Variants in MINDY4 observed in about 807,000 individuals in gnomAD.
The protein encoded by MINDY4 is probable ubiquitin carboxyl-terminal hydrolase MINDY-4.
MINDY4 carries 68 observed loss-of-function variants against 87.0 expected under a neutral mutation model. The ratio of observed to expected loss-of-function variants is 0.78; its 90% CI spans 0.64 to 0.96. MINDY4 has a LOEUF of 0.96. Ranked by LOEUF, MINDY4 falls within the 40% of genes least tolerant of loss-of-function variation. The pLI, the probability that MINDY4 is intolerant of heterozygous loss-of-function variation, is 0.00. For synonymous variants in MINDY4, 379 were observed against 363.2 expected (o/e 1.04, Z -0.50); for missense variants, 919 against 928.2 (o/e 0.99, Z 0.13).
rs187956028 is a variant in MINDY4, at chr7:30,794,611, T to G, written c.1073+3037T>G. On this transcript the variant is annotated intron_variant, in intron 5 of 17. Transcript: ENST00000265299. ...AACTCTGACACTCCTCAGATCTGAC[T>G]CCGGGAGCTGAAGGGACTATTTTCT... Among the ~76,000 whole-genome samples, 115 of 152,334 alleles carry G rather than the reference T, an allele frequency of 7.5e-4. 1 individual carries two copies. The highest frequency in any genetic ancestry group is 2.7e-3 in the African/African-American group (111 of 41,580).
chr7:30,889,164 A>G (rs1398005743), intron 17 of MINDY4, among the ~76,000 whole-genome samples: 2 of 152,192 alleles, frequency 1.3e-5, no homozygotes, highest in Non-Finnish European at 2.9e-5. Context: ...CCAAGATTTC[A>G]ATGCTTGCCC....
Position 30,791,254 on chromosome 7 carries a change from C to T in MINDY4, c.753C>T (p.Leu251=). The change falls in exon 5 of 18, where the codon CTC becomes CTT. Residue 251 remains leucine (L), a synonymous_variant. Transcript: ENST00000265299. ...AAGAGAGCCGGAAGGTCCCTGAGCT[C>T]TTTGTCTGCACCCAACAGGACATTC... ...PQEESRKVPE[L]FVCTQQDILA... is the part of the protein sequence containing the mutation. 1.9e-6 allele frequency: 3 copies of T among 1,614,148 alleles called. No homozygotes were observed. The highest frequency in any genetic ancestry group is 1.3e-5 in the African/African-American group (1 of 75,044).
At chr7:30,811,591 A>G (rs1788000118) in intron 5 of MINDY4, among the ~76,000 whole-genome samples, 1 of 152,224 alleles carries the variant, frequency 6.6e-6, no homozygotes, top group African/African-American at 2.4e-5. Flanking sequence ...AGTAAAAACT[A>G]AAAGGCAGAA....
At chr7:30,875,888 A>G (rs748471823) in intron 15 of MINDY4, among the ~76,000 whole-genome samples, 2 of 152,208 alleles carry the variant, frequency 1.3e-5, no homozygotes, top group Non-Finnish European at 2.9e-5. Context: ...TGGTTTGAAA[A>G]GGACTTCGAG....
chr7:30,786,187 T>A (rs900989577), intron 4 of MINDY4, 195 bp downstream of exon 4: 3 of 674,242 alleles, frequency 4.4e-6, no homozygotes, highest in Non-Finnish European at 7.3e-6. Context: ...TGAGCAGGCC[T>A]CCTTTCCTGC....
intron 5 of MINDY4, among the ~76,000 whole-genome samples, chr7:30,806,420 A>G (rs1047987715): frequency 2.0e-5 from 3 of 152,200 alleles, no homozygotes; most frequent in African/African-American, 7.2e-5. Flanking sequence ...TTGGCCCACA[A>G]TGGTTATTTT....
chr7:30,857,385 C>T (rs1344900659), intron 12 of MINDY4, among the ~76,000 whole-genome samples: 1 of 152,106 alleles, frequency 6.6e-6, no homozygotes, highest in East Asian at 1.9e-4. Flanking sequence ...AACCCCTTCT[C>T]CCAGCCTTTT....
chr7:30,785,752 T>G lies in MINDY4; in HGVS notation c.423T>G (p.His141Gln). The change falls in exon 4 of 18, where the codon CAT (histidine) becomes CAG (glutamine). Residue 141 changes from histidine to glutamine, a missense_variant. Coordinates refer to ENST00000265299, the MANE Select transcript of MINDY4 (RefSeq NM_032222.3). ...TGGAAATATTCCTTTTTCACAGACATGACAATCTTGATGGAGATGTACTTG... is the reference window on the plus strand; with the variant it reads ...TGGAAATATTCCTTTTTCACAGACAGGACAATCTTGATGGAGATGTACTTG... ...TSLSETSKARHDNLDGDVLGN... is the reference protein window; with the variant it reads ...TSLSETSKARQDNLDGDVLGN... 1 of 1,614,198 alleles carries G rather than the reference T, an allele frequency of 6.2e-7. No homozygotes were observed. The highest frequency in any genetic ancestry group is 2.2e-5 in the East Asian group (1 of 44,894).
chr7:30,861,701 G>A (rs1264403167), intron 13 of MINDY4, among the ~76,000 whole-genome samples: 1 of 152,246 alleles, frequency 6.6e-6, no homozygotes, highest in Non-Finnish European at 1.5e-5. Flanking sequence ...TACAAGCCGG[G>A]AATAATGGCC....
chr7:30,798,323 G>A (rs773365949), intron 5 of MINDY4, among the ~76,000 whole-genome samples: 5 of 152,128 alleles, frequency 3.3e-5, no homozygotes, highest in African/African-American at 7.2e-5. Context: ...ATTGGGATTC[G>A]TGTATGGATT....
rs191064523 is a variant in MINDY4, at chr7:30,836,367, T to C, written c.1133-291T>C. On this transcript the variant is annotated intron_variant, in intron 6 of 17. Coordinates refer to ENST00000265299, the MANE Select transcript of MINDY4 (RefSeq NM_032222.3). The stretch of plus-strand genomic sequence containing the variant: ...AGGCACTTGTTCCACTCTATGTCCA[T>C]GCGTGGAACTTTCTAGTGGACCAGT... Among the ~76,000 whole-genome samples the C allele has an allele frequency of 1.4e-3, 206 of 152,330 alleles. 1 individual carries two copies. The highest frequency in any genetic ancestry group is 4.5e-3 in the African/African-American group (187 of 41,592).
intron 5 of MINDY4, among the ~76,000 whole-genome samples, chr7:30,820,147 C>T (rs577677106): frequency 2.2e-3 from 340 of 151,790 alleles, no homozygotes; most frequent in Middle Eastern, 3.4e-3. Context: ...GTGATCCGCC[C>T]GCCTCGGCCT....
At chr7:30,803,647 A>G (rs1048353614) in intron 5 of MINDY4, among the ~76,000 whole-genome samples, 3 of 152,030 alleles carry the variant, frequency 2.0e-5, no homozygotes. Flanking sequence ...TGCCTGGAAC[A>G]TATTCATCAC....
In MINDY4 at chr7:30,889,840, G is replaced by T. The variant is rs184150868; in HGVS notation, c.2226-2117G>T. Among the ~76,000 whole-genome samples, 123 of 152,334 alleles carry T rather than the reference G, an allele frequency of 8.1e-4. 1 individual carries two copies. Among genetic ancestry groups the T allele is most frequent in the African/African-American group, 2.6e-3 (109 of 41,576 alleles). Reference sequence around the variant, plus strand: ...ATCATATACCTCTTGTCACAGGTTAGACTGGGAATGGATCTCACCAAGGTA... The same window carrying T: ...ATCATATACCTCTTGTCACAGGTTATACTGGGAATGGATCTCACCAAGGTA... On this transcript the variant is annotated intron_variant, in intron 17 of 17. Transcript: ENST00000265299.
intron 7 of MINDY4, among the ~76,000 whole-genome samples, chr7:30,837,259 C>T (rs1281960456): frequency 6.6e-6 from 1 of 152,160 alleles, no homozygotes; most frequent in East Asian, 1.9e-4. Flanking sequence ...CCACAGCAGC[C>T]TCTTCTGCAG....
chr7:30,826,874 G>A (rs1045164690), intron 5 of MINDY4, among the ~76,000 whole-genome samples: 41 of 152,196 alleles, frequency 2.7e-4, no homozygotes, highest in African/African-American at 9.9e-4. Context: ...GAGCCTTTAG[G>A]AATGTATTGG....
intron 17 of MINDY4, among the ~76,000 whole-genome samples, chr7:30,888,407 C>T (rs1187248952): frequency 6.6e-6 from 1 of 152,194 alleles, no homozygotes; most frequent in Non-Finnish European, 1.5e-5. Context: ...ATTACCCAGC[C>T]AAAATGCCTT....
At chr7:30,804,818 C>G (rs995696911) in intron 5 of MINDY4, among the ~76,000 whole-genome samples, 3 of 152,168 alleles carry the variant, frequency 2.0e-5, no homozygotes, top group African/African-American at 7.2e-5. Flanking sequence ...TGGCCCTGAC[C>G]TGGGGGAAGA....
intron 12 of MINDY4, among the ~76,000 whole-genome samples, chr7:30,855,581 A>T (rs1260925595): frequency 6.6e-6 from 1 of 152,214 alleles, no homozygotes; most frequent in Non-Finnish European, 1.5e-5. Flanking sequence ...ACAGATCCTG[A>T]GGCTTGTAGC....
Sources: gnomAD v4.1 joint callset for allele counts (sites outside exome capture counted in the v4.1 genomes callset) on GRCh38, gnomAD v4.1.1 for gene constraint, MANE v1.5 for transcripts, NCBI Gene and HGNC (gene_info 2026-07-23, HGNC 2026-07-21) for gene names.